CRADD: variants seen among roughly 807,000 people sequenced by gnomAD.
CRADD encodes CARD and death domain containing adaptor protein.
In CRADD, 9 loss-of-function variants were observed where a neutral mutation model predicts 15.5. The ratio of observed to expected loss-of-function variants is 0.58; its 90% CI spans 0.35 to 1.01. The LOEUF is 1.01. CRADD is among the 50% of genes least tolerant of loss of function. The pLI is 0.02. For missense variants in CRADD, 227 were observed against 250.3 expected (o/e 0.91, Z 0.63); for synonymous variants, 118 against 107.6 (o/e 1.10, Z -0.60).
intron 2 of CRADD, among the ~76,000 whole-genome samples, chr12:93,747,298 C>T (rs1389797189): frequency 1.3e-5 from 2 of 152,016 alleles, no homozygotes; most frequent in Non-Finnish European, 2.9e-5. Flanking sequence ...AGAGAGGGCT[C>T]TTGTCAGGCA....
intron 2 of CRADD, among the ~76,000 whole-genome samples, chr12:93,710,259 C>G (rs1956037470): frequency 6.6e-6 from 1 of 152,112 alleles, no homozygotes; most frequent in African/African-American, 2.4e-5. Context: ...TCTCATTTCC[C>G]CTGGTATCTA....
rs138791494 is a variant in CRADD at position 93,868,976 on chromosome 12, T to G, written c.299-25074T>G. On this transcript the variant is annotated intron_variant, in intron 2 of 2. Transcript: ENST00000548483. ...CCTTGGCTGACTCTTTAACCACAAA[T>G]GTACAGGGCAAGACTCCAAAGAGCA... Among the ~76,000 whole-genome samples, 118 of 152,212 alleles carry G rather than the reference T, an allele frequency of 7.8e-4. 2 individuals carry two copies. In the East Asian group the frequency reaches 0.017, roughly 22 times the overall value.
At chr12:93,700,434 T>A (rs1955816700) in intron 2 of CRADD, among the ~76,000 whole-genome samples, 3 of 142,176 alleles carry the variant, frequency 2.1e-5, no homozygotes. Context: ...CCTTCAGTAA[T>A]TTTTTTTTTC....
intron 2 of CRADD, among the ~76,000 whole-genome samples, chr12:93,841,961 G>C (rs984608109): frequency 3.3e-5 from 5 of 152,048 alleles, no homozygotes; most frequent in African/African-American, 1.2e-4. Context: ...GTTTTTAAAA[G>C]TGCTACCCCA....
In CRADD at chr12:93,824,065, A is replaced by G. The variant is rs571372356; in HGVS notation, c.299-25905A>G. 1.3e-5 allele frequency among the ~76,000 whole-genome samples: 2 copies of G among 152,290 alleles called. No individual in the cohort carries two copies. The highest frequency in any genetic ancestry group is 3.9e-4 in the East Asian group (2 of 5,184). ...GCTGCTTTTTACCGTGTTCCAAAAC[A>G]CTGGCTCCGTTTGGTGTGTGTTTTG... On this transcript the variant is annotated intron_variant, in intron 2 of 2. Coordinates refer to ENST00000332896, the MANE Select transcript of CRADD (RefSeq NM_003805.5). This position sits in a 1 kb window ranked among gnomAD's most constrained non-coding sequence, Gnocchi z 4.3.
At chr12:93,837,935 T>A (rs1416145589) in intron 2 of CRADD, 1 of 152,210 alleles carries the variant, frequency 6.6e-6, no homozygotes, top group Non-Finnish European at 1.5e-5. Flanking sequence ...ACCACCCACC[T>A]TTTAATTCAG....
At chr12:93,701,319 C>T (rs1018022456) in intron 2 of CRADD, among the ~76,000 whole-genome samples, 1 of 151,714 alleles carries the variant, frequency 6.6e-6, no homozygotes, top group Non-Finnish European at 1.5e-5. Flanking sequence ...CACACACACA[C>T]ACACACACAC....
chr12:93,712,935 G>A (rs1380273696), intron 2 of CRADD, among the ~76,000 whole-genome samples: 1 of 152,070 alleles, frequency 6.6e-6, no homozygotes, highest in Non-Finnish European at 1.5e-5. Flanking sequence ...GCAGAATTGA[G>A]AATAAAGACT....
chr12:93,785,888 T>C (rs1318023326), intron 2 of CRADD, among the ~76,000 whole-genome samples: 3 of 152,236 alleles, frequency 2.0e-5, no homozygotes, highest in African/African-American at 7.2e-5. Context: ...GTCGTGTACT[T>C]GATCTCAGTG....
chr12:93,744,742 A>C (rs1464124166), intron 2 of CRADD, among the ~76,000 whole-genome samples: 2 of 152,250 alleles, frequency 1.3e-5, no homozygotes, highest in African/African-American at 4.8e-5. Context: ...AAGTAACATC[A>C]AATATTACTT....
At position 93,715,232 on chromosome 12, in the gene CRADD, T is replaced by A. The variant is rs193211647; in HGVS notation, c.298+36160T>A. ...TTACTCATAGGGTAAGAGTGAGAGTTCTTGCTTTGCCCTTTCCACCTTCCT... is the reference window on the plus strand; with the variant it reads ...TTACTCATAGGGTAAGAGTGAGAGTACTTGCTTTGCCCTTTCCACCTTCCT... On this transcript the variant is annotated intron_variant, in intron 2 of 2. Coordinates refer to ENST00000332896, the MANE Select transcript of CRADD (RefSeq NM_003805.5). 3.6e-3 allele frequency among the ~76,000 whole-genome samples: 551 copies of A among 152,310 alleles called. 1 individual carries two copies. The highest frequency in any genetic ancestry group is 6.5e-3 in the Admixed American group (99 of 15,304).
chr12:93,892,007 A>C lies in CRADD; in HGVS notation c.299-2043A>C, dbSNP rs137929615. On this transcript the variant is annotated intron_variant, in intron 2 of 2. Coordinates refer to the CRADD transcript ENST00000548483. ...CAAATGCTCCCATGAACAAGATCTC[A>C]TTTGGTCCCAACAAACCCTGTGAGA... 3.5e-3 allele frequency among the ~76,000 whole-genome samples: 527 copies of C among 152,358 alleles called. 1 individual carries two copies. The highest frequency in any genetic ancestry group is 6.0e-3 in the South Asian group (29 of 4,830).
intron 2 of CRADD, among the ~76,000 whole-genome samples, chr12:93,878,917 G>T (rs994519662): frequency 6.6e-6 from 1 of 152,148 alleles, no homozygotes. Context: ...TTTCTGCGTA[G>T]ATCGTTGTTA....
At chr12:93,810,978 A>G (rs1383021099) in intron 2 of CRADD, among the ~76,000 whole-genome samples, 2 of 152,226 alleles carry the variant, frequency 1.3e-5, no homozygotes, top group Non-Finnish European at 2.9e-5. Flanking sequence ...CCCTTAGTTT[A>G]TAGGTATGAG....
chr12:93,849,083 C>G (rs1157235015), intron 2 of CRADD: 4 of 152,178 alleles, frequency 2.6e-5, no homozygotes, highest in Admixed American at 2.6e-4. Flanking sequence ...AGCAGCTACA[C>G]GTTTTCTCGG....
At chr12:93,742,773 C>T (rs1464849385) in intron 2 of CRADD, among the ~76,000 whole-genome samples, 2 of 152,122 alleles carry the variant, frequency 1.3e-5, no homozygotes, top group African/African-American at 2.4e-5. Flanking sequence ...CACAGGTTGC[C>T]GGCAATTTCT....
At chr12:93,706,475 C>T (rs79424391) in intron 2 of CRADD, among the ~76,000 whole-genome samples, 1 of 152,108 alleles carries the variant, frequency 6.6e-6, no homozygotes, top group Non-Finnish European at 1.5e-5. Context: ...TCCCTGGGTC[C>T]ACTTAATGGT....
chr12:93,764,336 G>A (rs1957003429), intron 2 of CRADD, among the ~76,000 whole-genome samples: 1 of 151,974 alleles, frequency 6.6e-6, no homozygotes, highest in South Asian at 2.1e-4. Flanking sequence ...GAGGGAAGGG[G>A]GAGAATTCTA....
chr12:93,766,467 A>G (rs1217547680), intron 2 of CRADD, among the ~76,000 whole-genome samples: 1 of 152,216 alleles, frequency 6.6e-6, no homozygotes, highest in Non-Finnish European at 1.5e-5. Flanking sequence ...GTCACCTGTC[A>G]CAGTGTACTT....
Sources: gnomAD v4.1 joint callset for allele counts (sites outside exome capture counted in the v4.1 genomes callset) on GRCh38, gnomAD v4.1.1 for gene constraint, Gnocchi (gnomAD v3.1) non-coding constraint, MANE v1.5 for transcripts, NCBI Gene and HGNC (gene_info 2026-07-23, HGNC 2026-07-21) for gene names.